PHACTR2: variants seen among roughly 807,000 people sequenced by gnomAD.
The protein encoded by PHACTR2 is chromosome 6 open reading frame 56.
In PHACTR2, 30 loss-of-function variants were observed where a neutral mutation model predicts 76.0. The ratio of observed to expected loss-of-function variants is 0.39; its 90% CI spans 0.30 to 0.54. The LOEUF is 0.54. Ranked by LOEUF, PHACTR2 falls within the 20% of genes least tolerant of loss-of-function variation. The pLI is 0.61. For missense variants in PHACTR2, 696 were observed against 781.1 expected, an observed-to-expected ratio of 0.89 and a Z score of 1.30; for synonymous variants, 292 against 292.5, an observed-to-expected ratio of 1.00 and a Z score of 0.02.
intron 9 of PHACTR2, among the ~76,000 whole-genome samples, chr6:143,779,582 T>G (rs981972568): frequency 6.6e-6 from 1 of 152,148 alleles, no homozygotes; most frequent in Admixed American, 6.5e-5. Context: ...ACTCCTGACT[T>G]CGTGATTCGC....
rs138801772 is a variant in PHACTR2, at chr6:143,658,897, C to T, written c.13+50575C>T. ...AAACTTAGCCGGTCAGGGTGGCATG[C>T]GCCTATAATCTCAGCTGCTCTGAGG... On this transcript the variant is annotated intron_variant, in intron 1 of 11. Coordinates refer to the PHACTR2 transcript ENST00000305766. The surrounding 1 kb of genome is among the most constrained non-coding windows in gnomAD (Gnocchi z 4.1). 4.2e-3 allele frequency among the ~76,000 whole-genome samples: 642 copies of T among 151,946 alleles called. No homozygotes were observed. The highest frequency in any genetic ancestry group is 6.1e-3 in the Non-Finnish European group (415 of 67,936).
chr6:143,748,713 G>A (rs1172730973), intron 2 of PHACTR2, among the ~76,000 whole-genome samples: 2 of 152,134 alleles, frequency 1.3e-5, no homozygotes, highest in African/African-American at 4.8e-5. Flanking sequence ...CTCTCTAGTT[G>A]CTATGTAATA....
At position 143,731,804 on chromosome 6, in the gene PHACTR2, T is replaced by G. The variant is rs531842848; in HGVS notation, c.215-17181T>G. On this transcript the variant is annotated intron_variant, in intron 2 of 12. Transcript: ENST00000440869. The surrounding 1 kb of genome is among the most constrained non-coding windows in gnomAD (Gnocchi z 4.9). Reference sequence around the variant, plus strand: ...CTGTGTAGATTTGTTGTTATTTTCTTCTTGAAATGTTTGGTAGAATAAACA... The same window carrying G: ...CTGTGTAGATTTGTTGTTATTTTCTGCTTGAAATGTTTGGTAGAATAAACA... 1.3e-5 allele frequency among the ~76,000 whole-genome samples: 2 copies of G among 151,710 alleles called. No homozygotes were observed. The highest frequency in any genetic ancestry group is 1.3e-4 in the Admixed American group (2 of 15,250).
rs1047256680 is a variant in PHACTR2 at position 143,776,936 on chromosome 6, A to G, written c.1590-392A>G. Among the ~76,000 whole-genome samples the G allele has an allele frequency of 6.6e-6, 1 of 152,212 alleles. No individual in the cohort carries two copies. Among genetic ancestry groups the G allele is most frequent in the Non-Finnish European group, 1.5e-5 (1 of 68,040 alleles). On this transcript the variant is annotated intron_variant, in intron 8 of 12. Transcript: ENST00000440869. The surrounding 1 kb of genome is among the most constrained non-coding windows in gnomAD (Gnocchi z 5.3). The stretch of plus-strand genomic sequence containing the variant: ...TGCTGAAGTTCTAGCCTGTGGAAAA[A>G]GGAAAGAGAAAGAAGGGAGCATGCA...
chr6:143,540,560 A>G (rs1053526396), intron 1 of PHACTR2, among the ~76,000 whole-genome samples: 4 of 152,326 alleles, frequency 2.6e-5, no homozygotes, highest in Admixed American at 2.6e-4. Context: ...AAATACCGTG[A>G]GGGTACCCCA....
chr6:143,684,397 T>C lies in PHACTR2; in HGVS notation c.46+6188T>C, dbSNP rs977050402. Reference sequence around the variant, plus strand: ...ACATGGATCCATCAGCAGGTCTTGTTCTTTTTTCTTCCCAAATATATCTCA... The same window carrying C: ...ACATGGATCCATCAGCAGGTCTTGTCCTTTTTTCTTCCCAAATATATCTCA... On this transcript the variant is annotated intron_variant, in intron 1 of 12. Transcript: ENST00000440869. The surrounding 1 kb of genome is among the most constrained non-coding windows in gnomAD (Gnocchi z 4.3). 3.9e-5 allele frequency among the ~76,000 whole-genome samples: 6 copies of C among 152,354 alleles called. No individual in the cohort carries two copies. Among genetic ancestry groups the C allele is most frequent in the African/African-American group, 1.4e-4 (6 of 41,586 alleles).
chr6:143,584,865 C>T (rs917096042), intron 1 of PHACTR2, among the ~76,000 whole-genome samples: 2 of 151,542 alleles, frequency 1.3e-5, no homozygotes, highest in East Asian at 1.9e-4. Flanking sequence ...GATTAGGACT[C>T]GGGCACCAGG....
At chr6:143,629,162 C>T (rs1357159406) in intron 1 of PHACTR2, among the ~76,000 whole-genome samples, 2 of 151,612 alleles carry the variant, frequency 1.3e-5, no homozygotes, top group South Asian at 2.1e-4. Flanking sequence ...GATTCTGTAA[C>T]TCCAAATACA....
At chr6:143,576,824 C>T (rs546370937) in intron 1 of PHACTR2, among the ~76,000 whole-genome samples, 19 of 140,630 alleles carry the variant, frequency 1.4e-4, no homozygotes, top group East Asian at 4.5e-4. Flanking sequence ...TGCAGTGAGC[C>T]GAACTCGTAC....
In PHACTR2 at chr6:143,585,681, G is replaced by A. The variant is rs768493160; in HGVS notation, c.217+48474G>A. 6.6e-6 allele frequency among the ~76,000 whole-genome samples: 1 copy of A among 152,204 alleles called. No individual in the cohort carries two copies. Among genetic ancestry groups the A allele is most frequent in the Admixed American group, 6.5e-5 (1 of 15,288 alleles). On this transcript the variant is annotated intron_variant, in intron 1 of 11. Transcript: ENST00000367584. The surrounding 1 kb of genome is among the most constrained non-coding windows in gnomAD (Gnocchi z 5.2). ...AGACCCTCCCTGCTTATCACCAGGC[G>A]TGGCACCTGATAGGTGCTCAAAAAA...
rs748737128 is a variant in PHACTR2 at position 143,562,088 on chromosome 6, G to T, written c.217+24881G>T. ...TGTTACTTCACTGAAAACTCTCACC[G>T]CCAGCCAGAGTTCCTTGTTCTTCCC... On this transcript the variant is annotated intron_variant, in intron 1 of 11. Coordinates refer to the PHACTR2 transcript ENST00000367584. The surrounding 1 kb of genome is among the most constrained non-coding windows in gnomAD (Gnocchi z 5.1). 3 of 152,242 alleles carry T rather than the reference G, an allele frequency of 2.0e-5. 1 individual carries two copies. The highest frequency in any genetic ancestry group is 6.8e-3 in the Middle Eastern group (2 of 294). 9.4% of individuals were successfully genotyped at this position (152,242 alleles called of 1,614,324 possible). A position where few individuals can be genotyped will look rare whatever the true frequency, so the allele number is the denominator to read the frequency against.
At chr6:143,758,097 C>T (rs368943746) in intron 4 of PHACTR2, among the ~76,000 whole-genome samples, 3 of 152,196 alleles carry the variant, frequency 2.0e-5, no homozygotes, top group Non-Finnish European at 1.5e-5. Flanking sequence ...AGTCTGTTTG[C>T]AGTGTGTTCA....
intron 1 of PHACTR2, among the ~76,000 whole-genome samples, chr6:143,707,870 A>C (rs1401303257): frequency 2.0e-5 from 3 of 152,156 alleles, no homozygotes; most frequent in Non-Finnish European, 4.4e-5. Context: ...ATGGCACGTG[A>C]GTGAAGGGGA....
Position 143,537,169 on chromosome 6 carries a change from GC to G in PHACTR2, c.180del (p.Ser60ArgfsTer22). 3.2e-6 allele frequency: 1 copy of G among 316,122 alleles called. No individual in the cohort carries two copies. Among genetic ancestry groups the G allele is most frequent in the South Asian group, 3.6e-5 (1 of 27,612 alleles). 19.6% of individuals were successfully genotyped at this position (316,122 alleles called of 1,614,324 possible). On this transcript the variant is annotated frameshift_variant, in exon 1 of 12. Coordinates refer to the PHACTR2 transcript ENST00000367584. LOFTEE classifies it high-confidence loss of function. The surrounding 1 kb of genome is among the most constrained non-coding windows in gnomAD (Gnocchi z 4.4). ...CAGAGCGACCTCTCGTCGTCCTCGA[GC>G]AGGGGCCGCCCGCTCCGGGTCCACA... is the stretch of plus-strand genomic sequence containing the variant.
At chr6:143,673,852 T>C (rs928319241), upstream of PHACTR2, among the ~76,000 whole-genome samples, 1 of 151,906 alleles carries the variant, frequency 6.6e-6, no homozygotes, top group Non-Finnish European at 1.5e-5. Context: ...GCAAGGTATT[T>C]TGTTAATCCT....
chr6:143,779,348 CTT>C lies in PHACTR2; in HGVS notation c.1645+1981_1645+1982del, dbSNP rs985719804. On this transcript the variant is annotated intron_variant, in intron 9 of 12. Transcript: ENST00000440869. ...AGGACGTTTACTTTAACTAGGTCATCTTTTTTTTTTTTTTTTTCTGAGACGGA... is the reference window on the plus strand; with the variant it reads ...AGGACGTTTACTTTAACTAGGTCATCTTTTTTTTTTTTTTTCTGAGACGGA... Among the ~76,000 whole-genome samples, 182 of 138,570 alleles carry C rather than the reference CTT, an allele frequency of 1.3e-3. 1 individual carries two copies. The East Asian group carries it at 0.019, about 15-fold the overall frequency. 90.9% of individuals were successfully genotyped at this position (138,570 alleles called of 152,430 possible).
At position 143,818,137 on chromosome 6, in the gene PHACTR2, A is replaced by G. The variant is rs1331484378; in HGVS notation, c.1923-5537A>G. On this transcript the variant is annotated intron_variant, in intron 12 of 12. Coordinates refer to ENST00000440869, the MANE Select transcript of PHACTR2 (RefSeq NM_001100164.2). This position sits in a 1 kb window ranked among gnomAD's most constrained non-coding sequence, Gnocchi z 4.9. ...GTGTCAATTAAAAATATAATAAAAT[A>G]ATCAATAAAAAATTTAAATAAAATT... 2.0e-5 allele frequency among the ~76,000 whole-genome samples: 3 copies of G among 152,202 alleles called. No individual in the cohort carries two copies. Among genetic ancestry groups the G allele is most frequent in the Admixed American group, 2.0e-4 (3 of 15,286 alleles).
Position 143,611,263 on chromosome 6 carries a change from G to A in PHACTR2, c.13+2941G>A, listed in dbSNP as rs1440284864. ...TGAAAGAGCCACACTCATTTGGAGGGGAGGTGGCAGCTGCTGAGAGCCCCT... is the reference window on the plus strand; with the variant it reads ...TGAAAGAGCCACACTCATTTGGAGGAGAGGTGGCAGCTGCTGAGAGCCCCT... On this transcript the variant is annotated intron_variant, in intron 1 of 11. Transcript: ENST00000305766. This position sits in a 1 kb window ranked among gnomAD's most constrained non-coding sequence, Gnocchi z 4.4. Among the ~76,000 whole-genome samples the A allele has an allele frequency of 2.0e-5, 3 of 152,144 alleles. No homozygotes were observed. The highest frequency in any genetic ancestry group is 4.1e-4 in the South Asian group (2 of 4,824).
chr6:143,621,369 C>T lies in PHACTR2; in HGVS notation c.13+13047C>T, dbSNP rs1290780661. 1.3e-5 allele frequency among the ~76,000 whole-genome samples: 2 copies of T among 152,310 alleles called. No individual in the cohort carries two copies. The highest frequency in any genetic ancestry group is 3.4e-3 in the Middle Eastern group (1 of 294). The stretch of plus-strand genomic sequence containing the variant: ...GATCCCGAGCCCTCTCAGGCCTCCT[C>T]GGTGCAGAAGGGCAAATCCTTCCCA... On this transcript the variant is annotated intron_variant, in intron 1 of 11. Transcript: ENST00000305766. This position sits in a 1 kb window ranked among gnomAD's most constrained non-coding sequence, Gnocchi z 4.1.
Sources: gnomAD v4.1 joint callset for allele counts (sites outside exome capture counted in the v4.1 genomes callset) on GRCh38, gnomAD v4.1.1 for gene constraint, Gnocchi (gnomAD v3.1) non-coding constraint, MANE v1.5 for transcripts, NCBI Gene and HGNC (gene_info 2026-07-23, HGNC 2026-07-21) for gene names.